PKN2: variants seen among roughly 807,000 people sequenced by gnomAD.
PKN2 encodes the protein serine/threonine-protein kinase N2.
A neutral mutation model predicts 119.1 loss-of-function variants in PKN2; 38 were observed. That is an observed-to-expected ratio of 0.32 (90% CI 0.25 to 0.42). The LOEUF is 0.42. PKN2 is among the 10% of genes least tolerant of loss of function. The pLI is 1.00. For missense variants in PKN2, 850 were observed against 1,165.1 expected (o/e 0.73, Z 3.94); for synonymous variants, 390 against 384.9 (o/e 1.01, Z -0.15).
Position 88,773,589 on chromosome 1 carries a change from A to G in PKN2, c.985+1710A>G, listed in dbSNP as rs1470795956. On this transcript the variant is annotated intron_variant, in intron 6 of 21. Transcript: ENST00000370521. Reference sequence around the variant, plus strand: ...TGTGATTACTGGTGTGTGCCTCCACATCTGACCAGTGTTTGCTGTTTATTT... The same window carrying G: ...TGTGATTACTGGTGTGTGCCTCCACGTCTGACCAGTGTTTGCTGTTTATTT... Among the ~76,000 whole-genome samples, 3 of 152,118 alleles carry G rather than the reference A, an allele frequency of 2.0e-5. No homozygotes were observed. The East Asian group carries it at 5.8e-4, about 29-fold the overall frequency.
At position 88,784,659 on chromosome 1, in the gene PKN2, A is replaced by T. The variant is rs779473256; in HGVS notation, c.1006A>T (p.Met336Leu). 9 of 1,581,138 alleles carry T rather than the reference A, an allele frequency of 5.7e-6. No individual in the cohort carries two copies. The highest frequency in any genetic ancestry group is 6.9e-6 in the Non-Finnish European group (8 of 1,164,492). ...AACAGGTACTTTGGAAGTTCGTCTT[A>T]TGGGCTGCCAAGATATCCTAGAGAA... ...ALTGTLEVRL[M>L]GCQDILENVP... Residue 336 changes from methionine to leucine, a missense_variant, in exon 7 of 22, where the codon ATG becomes TTG. By Grantham distance (15) the Met-to-Leu change is conservative (BLOSUM62 2). This residue lies in a region of PKN2 where 350 missense variants were observed against 511.1 expected (regional missense o/e 0.68). Transcript: ENST00000370521.
intron 2 of PKN2, among the ~76,000 whole-genome samples, chr1:88,744,506 C>G (rs992057156): frequency 6.6e-6 from 1 of 152,156 alleles, no homozygotes; most frequent in Non-Finnish European, 1.5e-5. Context: ...CTGCAACCTC[C>G]GCCTGCCGGG....
rs1027940540 is a variant in PKN2, at chr1:88,811,153, G to A, written c.2103-2404G>A. Among the ~76,000 whole-genome samples, 2 of 152,162 alleles carry A rather than the reference G, an allele frequency of 1.3e-5. 1 individual carries two copies. Among genetic ancestry groups the A allele is most frequent in the African/African-American group, 4.8e-5 (2 of 41,436 alleles). On this transcript the variant is annotated intron_variant, in intron 15 of 21. Transcript: ENST00000370521. ...GTCCCATTTGCCCTTCAGTTGCTGA[G>A]TAAGGATATTATGTTTATGTTACTG... is the stretch of plus-strand genomic sequence containing the variant.
rs771143219 is a variant in PKN2, at chr1:88,771,707, A to G, written c.813A>G (p.Leu271=). The G allele has an allele frequency of 1.3e-5, 21 of 1,613,896 alleles. No individual in the cohort carries two copies. Among genetic ancestry groups the G allele is most frequent in the Non-Finnish European group, 1.6e-5 (19 of 1,179,930 alleles). Residue 271 remains leucine, a synonymous_variant, in exon 6 of 22, where the codon TTA becomes TTG. Transcript: ENST00000370521. ...FNESSQKLDL[L]KYSLEQRLNE... ...AATCAAGTCAGAAGTTGGACCTTTT[A>G]AAGTATTCATTAGAGCAAAGATTAA...
At chr1:88,739,121 T>C (rs1209092332) in intron 1 of PKN2, among the ~76,000 whole-genome samples, 2 of 152,196 alleles carry the variant, frequency 1.3e-5, no homozygotes, top group Non-Finnish European at 2.9e-5. Flanking sequence ...CTGGTAAGTA[T>C]ACATAACAAC....
intron 2 of PKN2, among the ~76,000 whole-genome samples, chr1:88,746,809 A>C (rs943884619): frequency 1.4e-4 from 22 of 152,180 alleles, no homozygotes; most frequent in African/African-American, 4.8e-4. Flanking sequence ...CTGCACTCCT[A>C]TGTTCATTCC....
At chr1:88,693,018 C>T (rs1269148099) in intron 1 of PKN2, among the ~76,000 whole-genome samples, 1 of 152,160 alleles carries the variant, frequency 6.6e-6, no homozygotes, top group Non-Finnish European at 1.5e-5. Flanking sequence ...TATTGTATTG[C>T]TTCACACATG....
intron 10 of PKN2, 44 bp from the exon 11 acceptor site, chr1:88,805,453 A>T (rs755090766): frequency 8.8e-5 from 129 of 1,464,656 alleles, no homozygotes; most frequent in Non-Finnish European, 1.2e-4. Context: ...TTGGTTATAC[A>T]TAAAGAAATT....
rs759686201 is a variant in PKN2 at position 88,786,090 on chromosome 1, A to C, written c.1172-14A>C. On this transcript the variant is annotated splice_polypyrimidine_tract_variant and intron_variant, in intron 7 of 21. Coordinates refer to ENST00000370521, the MANE Select transcript of PKN2 (RefSeq NM_006256.4). ...TTTAAAGTTTTTAAGCAAGTTTGTA[A>C]ATTTTAATTACAGATGATGTCTGTG... 6.5e-6 allele frequency: 10 copies of C among 1,534,554 alleles called. No homozygotes were observed. Among genetic ancestry groups the C allele is most frequent in the African/African-American group, 2.7e-5 (2 of 73,048 alleles).
At chr1:88,748,758 A>G (rs1668872052) in intron 2 of PKN2, among the ~76,000 whole-genome samples, 2 of 133,900 alleles carry the variant, frequency 1.5e-5, no homozygotes, top group Non-Finnish European at 3.2e-5. Flanking sequence ...AACATAGTGA[A>G]ACTTCATCTC....
chr1:88,734,225 G>T (rs1201193781), intron 1 of PKN2, among the ~76,000 whole-genome samples: 7 of 150,818 alleles, frequency 4.6e-5, no homozygotes, highest in Non-Finnish European at 1.0e-4. Flanking sequence ...AACTGTTTTT[G>T]CTTTTGTTGC....
intron 16 of PKN2, among the ~76,000 whole-genome samples, chr1:88,814,917 A>G (rs1671924249): frequency 6.6e-6 from 1 of 152,164 alleles, no homozygotes; most frequent in South Asian, 2.1e-4. Context: ...CCTCCATTTG[A>G]TTCTTGTCAT....
chr1:88,827,412 A>C (rs149191666), intron 18 of PKN2, among the ~76,000 whole-genome samples: 1 of 151,996 alleles, frequency 6.6e-6, no homozygotes, highest in East Asian at 1.9e-4. Flanking sequence ...AAATTTATAT[A>C]TGTTTCATAT....
chr1:88,812,620 C>T (rs1465728840), intron 15 of PKN2, among the ~76,000 whole-genome samples: 1 of 152,052 alleles, frequency 6.6e-6, no homozygotes, highest in Non-Finnish European at 1.5e-5. Flanking sequence ...CCTGTAGTAC[C>T]AGCTACTCAG....
intron 2 of PKN2, among the ~76,000 whole-genome samples, chr1:88,742,861 G>A (rs1668629321): frequency 6.6e-6 from 1 of 152,086 alleles, no homozygotes; most frequent in South Asian, 2.1e-4. Context: ...TCATCACGAG[G>A]AGCCCATTTG....
chr1:88,813,590 G>A lies in PKN2; in HGVS notation c.2136G>A (p.Val712=), dbSNP rs199566133. 22 of 1,599,020 alleles carry A rather than the reference G, an allele frequency of 1.4e-5. No individual in the cohort carries two copies. The African/African-American group carries it at 2.4e-4, about 18-fold the overall frequency. ...GTGAAAAAAGAATTTTTGAAACTGT[G>A]AATAGTGTAAGGCATCCCTTTTTGG... ...LMCEKRIFET[V]NSVRHPFLVN... Residue 712 remains valine, a synonymous_variant, in exon 16 of 22, where the codon GTG becomes GTA. Transcript: ENST00000370521.
chr1:88,693,328 A>G (rs1666404342), intron 1 of PKN2, among the ~76,000 whole-genome samples: 2 of 152,090 alleles, frequency 1.3e-5, no homozygotes, highest in Admixed American at 6.5e-5. Context: ...ACAGTTTACT[A>G]GTTCAGAAGT....
intron 15 of PKN2, among the ~76,000 whole-genome samples, chr1:88,809,939 A>G (rs1320220491): frequency 6.6e-6 from 1 of 152,154 alleles, no homozygotes. Context: ...TTTCAGTAAC[A>G]TGAAAATTTA....
At chr1:88,708,705 A>G (rs1233356726) in intron 1 of PKN2, among the ~76,000 whole-genome samples, 3 of 147,920 alleles carry the variant, frequency 2.0e-5, no homozygotes, top group Non-Finnish European at 3.0e-5. Flanking sequence ...CAGGTAATCT[A>G]CCTGTCTCGG....
Sources: gnomAD v4.1 joint callset for allele counts (sites outside exome capture counted in the v4.1 genomes callset) on GRCh38, gnomAD v4.1.1 for gene constraint, gnomAD v4.1.1 regional missense constraint, MANE v1.5 for transcripts, NCBI Gene and HGNC (gene_info 2026-07-23, HGNC 2026-07-21) for gene names.